SOST: variants seen among roughly 807,000 people sequenced by gnomAD.
SOST encodes sclerosteosis.
A neutral mutation model predicts 16.7 loss-of-function variants in SOST; 14 were observed. The observed-to-expected ratio is 0.84, with a 90% CI of 0.55 to 1.31. The LOEUF (loss-of-function observed/expected upper bound fraction) is 1.31, where lower values mean the gene tolerates loss of function less well. Among genes scored for constraint, SOST ranks in the 50% most tolerant of loss-of-function variants. The pLI is 0.00. For synonymous variants in SOST, 150 were observed against 140.9 expected (o/e 1.06, Z -0.46); for missense variants, 291 against 310.7 (o/e 0.94, Z 0.48).
At position 43,758,543 on chromosome 17, in the gene SOST, G is replaced by A. The variant is rs1974155825; in HGVS notation, c.199C>T (p.His67Tyr). Residue 67 changes from histidine (H) to tyrosine (Y), a missense_variant, in exon 1 of 2, where the codon CAC becomes TAC. His to Tyr is a moderately conservative substitution (Grantham distance 83). Coordinates refer to ENST00000301691, the MANE Select transcript of SOST (RefSeq NM_025237.3). ...ATACCTTTGGTCTCAAAGGGGTGGTGGGGAGGCCGCCCTCCGTTCTCCGCC... is the reference window on the plus strand; with the variant it reads ...ATACCTTTGGTCTCAAAGGGGTGGTAGGGAGGCCGCCCTCCGTTCTCCGCC... ...NRAENGGRPP[H>Y]HPFETKDVSE... 6.2e-7 allele frequency: 1 copy of A among 1,613,770 alleles called. No individual in the cohort carries two copies. Among genetic ancestry groups the A allele is most frequent in the Non-Finnish European group, 8.5e-7 (1 of 1,179,910 alleles).
chr17:43,755,199 GC>G lies in SOST; in HGVS notation c.*142del. ...TTGCCGGCGCCCGGGATTCCTCAGGGCCTGGAAGGTCTCAGCCCCCTGCCCT... is the reference window on the plus strand; with the variant it reads ...TTGCCGGCGCCCGGGATTCCTCAGGGCTGGAAGGTCTCAGCCCCCTGCCCT... On this transcript the variant is annotated 3_prime_UTR_variant, in exon 2 of 2. Coordinates refer to ENST00000301691, the MANE Select transcript of SOST (RefSeq NM_025237.3). The surrounding 1 kb of genome is among the most constrained non-coding windows in gnomAD (Gnocchi z 4.3). The G allele has an allele frequency of 1.2e-6, 1 of 829,744 alleles. No individual in the cohort carries two copies. Among genetic ancestry groups the G allele is most frequent in the South Asian group, 2.2e-5 (1 of 46,168 alleles). The allele number at this position is 829,744 out of a possible 1,614,324, so 51.4% of individuals were successfully genotyped here.
At chr17:43,757,028 C>G (rs1792140756) in intron 1 of SOST, among the ~76,000 whole-genome samples, 1 of 152,228 alleles carries the variant, frequency 6.6e-6, no homozygotes, top group African/African-American at 2.4e-5. Flanking sequence ...AGAGCAAGCA[C>G]AGCAGGGGAG....
rs552066454 is a variant in SOST, at chr17:43,755,363, G to T, written c.621C>A (p.Ala207=). Residue 207 remains alanine, a synonymous_variant, in exon 2 of 2, where the codon GCC becomes GCA. Transcript: ENST00000301691. This position sits in a 1 kb window ranked among gnomAD's most constrained non-coding sequence, Gnocchi z 4.3. ...GGCTCTAGTAGGCGTTCTCCAGCTC[G>T]GCCTGGTTGGCTTTGGCGCTCCGGG... is the stretch of plus-strand genomic sequence containing the variant. ...PRARSAKANQ[A]ELENAY is the part of the protein sequence containing the mutation. The T allele has an allele frequency of 1.3e-5, 21 of 1,586,338 alleles. No individual in the cohort carries two copies. In the African/African-American group the frequency reaches 2.9e-4, roughly 22 times the overall value.
rs995745213 is a variant in SOST, at chr17:43,753,885, C to G, written c.*1457G>C. ...GAGAAAATAAATATGTAACTTAACT[C>G]TTTAAAAACCACTACTTTCATTCTT... is the stretch of plus-strand genomic sequence containing the variant. On this transcript the variant is annotated 3_prime_UTR_variant, in exon 2 of 2. Coordinates refer to ENST00000301691, the MANE Select transcript of SOST (RefSeq NM_025237.3). 1 of 152,220 alleles carries G rather than the reference C, an allele frequency of 6.6e-6. No homozygotes were observed. Among genetic ancestry groups the G allele is most frequent in the Admixed American group, 6.6e-5 (1 of 15,228 alleles). 9.4% of individuals were successfully genotyped at this position (152,220 alleles called of 1,614,324 possible). A position where few individuals can be genotyped will look rare whatever the true frequency, so the allele number is the denominator to read the frequency against.
Position 43,755,862 on chromosome 17 carries a change from T to TCTGGAGACAGGCTTG in SOST, c.221-100_221-99insCAAGCCTGTCTCCAG. 7.2e-7 allele frequency: 1 copy of TCTGGAGACAGGCTTG among 1,388,258 alleles called. No individual in the cohort carries two copies. Among genetic ancestry groups the TCTGGAGACAGGCTTG allele is most frequent in the Non-Finnish European group, 9.7e-7 (1 of 1,028,928 alleles). The allele number at this position is 1,388,258 out of a possible 1,614,324, so 86.0% of individuals were successfully genotyped here. A position where few individuals can be genotyped will look rare whatever the true frequency, so the allele number is the denominator to read the frequency against. ...ACCCCAGCCCTGCTTTTGCCAAGCCTGTCTCCAGAGGCTTTTGCCCCTGAA... is the reference window on the plus strand; with the variant it reads ...ACCCCAGCCCTGCTTTTGCCAAGCCTCTGGAGACAGGCTTGGTCTCCAGAGGCTTTTGCCCCTGAA... On this transcript the variant is annotated intron_variant, in intron 1 of 1. Transcript: ENST00000301691. The surrounding 1 kb of genome is among the most constrained non-coding windows in gnomAD (Gnocchi z 4.3).
intron 1 of SOST, among the ~76,000 whole-genome samples, chr17:43,756,112 A>C (rs746737799): frequency 2.6e-5 from 4 of 152,174 alleles, no homozygotes; most frequent in African/African-American, 4.8e-5. Context: ...AATGCAGAAA[A>C]TACCATTTGG....
At chr17:43,757,131 G>T (rs1284163811) in intron 1 of SOST, among the ~76,000 whole-genome samples, 1 of 152,198 alleles carries the variant, frequency 6.6e-6, no homozygotes, top group Non-Finnish European at 1.5e-5. Context: ...GTGTGGTCAG[G>T]GGGGCATTTG....
At position 43,755,505 on chromosome 17, in the gene SOST, C is replaced by G. The variant is rs199579218; in HGVS notation, c.479G>C (p.Arg160Pro). Residue 160 changes from arginine to proline, a missense_variant, in exon 2 of 2, where the codon CGC becomes CCC. Arg to Pro is a moderately radical substitution (Grantham distance 103, BLOSUM62 -2). Coordinates refer to ENST00000301691, the MANE Select transcript of SOST (RefSeq NM_025237.3). This position sits in a 1 kb window ranked among gnomAD's most constrained non-coding sequence, Gnocchi z 4.3. ...GGEAPRARKV[R>P]LVASCKCKRL... ...CTTGCACTTGCACGAGGCCACCAGG[C>G]GCACCTTGCGCGCGCGCGGCGCCTC... 8.6e-5 allele frequency: 137 copies of G among 1,596,384 alleles called. No homozygotes were observed. The highest frequency in any genetic ancestry group is 1.1e-4 in the Non-Finnish European group (129 of 1,178,126).
chr17:43,758,525 T>C lies in SOST; in HGVS notation c.217A>G (p.Lys73Glu). 1 of 1,611,614 alleles carries C rather than the reference T, an allele frequency of 6.2e-7. No individual in the cohort carries two copies. The highest frequency in any genetic ancestry group is 8.5e-7 in the Non-Finnish European group (1 of 1,177,934). The stretch of plus-strand genomic sequence containing the variant: ...AATTCTCTCCTCCACCCCATACCTT[T>C]GGTCTCAAAGGGGTGGTGGGGAGGC... The part of the protein sequence containing the change: ...GRPPHHPFET[K>E]DVSEYSCREL... Residue 73 changes from lysine (K) to glutamate (E), a missense_variant, in exon 1 of 2, where the codon AAA (lysine) becomes GAA (glutamate). Transcript: ENST00000301691.
At chr17:43,758,105 C>T (rs1359069556) in intron 1 of SOST, among the ~76,000 whole-genome samples, 1 of 152,138 alleles carries the variant, frequency 6.6e-6, no homozygotes, top group Non-Finnish European at 1.5e-5. Context: ...ATAGAGTGTC[C>T]GGTGCCCCAC....
Position 43,754,118 on chromosome 17 carries a change from G to C in SOST, c.*1224C>G, listed in dbSNP as rs954616012. The stretch of plus-strand genomic sequence containing the variant: ...TCTCAGCATATGTACAGCACTTGTA[G>C]TTTTTCCCCCAATAATATTCTTTTA... On this transcript the variant is annotated 3_prime_UTR_variant, in exon 2 of 2. Coordinates refer to ENST00000301691, the MANE Select transcript of SOST (RefSeq NM_025237.3). The C allele has an allele frequency of 5.9e-5, 9 of 152,164 alleles. No individual in the cohort carries two copies. The highest frequency in any genetic ancestry group is 2.2e-4 in the African/African-American group (9 of 41,434). 9.4% of individuals were successfully genotyped at this position (152,164 alleles called of 1,614,324 possible).
intron 1 of SOST, 139 bp downstream of exon 1, chr17:43,758,383 G>A: frequency 1.4e-6 from 1 of 715,708 alleles, no homozygotes; most frequent in African/African-American, 1.8e-5. Context: ...CCACCTCCAG[G>A]CAAGACTGTT....
rs933738824 is a variant in SOST, at chr17:43,755,800, CT to C, written c.221-38del. ...GGCGCGCGTGAGGGTGGCCGCCCGCCTGGCCACCCCTGCCCTGGACCGGCCC... is the reference window on the plus strand; with the variant it reads ...GGCGCGCGTGAGGGTGGCCGCCCGCCGGCCACCCCTGCCCTGGACCGGCCC... On this transcript the variant is annotated intron_variant, in intron 1 of 1. Coordinates refer to ENST00000301691, the MANE Select transcript of SOST (RefSeq NM_025237.3). The surrounding 1 kb of genome is among the most constrained non-coding windows in gnomAD (Gnocchi z 4.3). 1 of 1,546,574 alleles carries C rather than the reference CT, an allele frequency of 6.5e-7. No individual in the cohort carries two copies. The highest frequency in any genetic ancestry group is 8.7e-7 in the Non-Finnish European group (1 of 1,154,346).
intron 1 of SOST, among the ~76,000 whole-genome samples, chr17:43,757,390 C>T (rs1362443869): frequency 1.3e-5 from 2 of 152,136 alleles, no homozygotes; most frequent in East Asian, 1.9e-4. Flanking sequence ...ATTTTGAAGA[C>T]GGAGGGTCCT....
chr17:43,758,199 CAGG>C (rs1401619953), intron 1 of SOST, among the ~76,000 whole-genome samples: 2 of 152,126 alleles, frequency 1.3e-5, no homozygotes, highest in Admixed American at 6.5e-5. Context: ...CCTATATTCC[CAGG>C]AGGAGATTCT....
chr17:43,756,520 C>T (rs1264159451), intron 1 of SOST, among the ~76,000 whole-genome samples: 2 of 152,162 alleles, frequency 1.3e-5, no homozygotes, highest in African/African-American at 4.8e-5. Flanking sequence ...GCTGCATCTC[C>T]GGACTCCACT....
At position 43,755,657 on chromosome 17, in the gene SOST, G is replaced by T. The variant is rs757158654; in HGVS notation, c.327C>A (p.Cys109Ter). The change falls in exon 2 of 2, where the codon TGC becomes TGA. Residue 109 changes from cysteine to a stop codon, truncating the protein, a stop_gained. Coordinates refer to ENST00000301691, the MANE Select transcript of SOST (RefSeq NM_025237.3). LOFTEE classifies it high-confidence loss of function. The surrounding 1 kb of genome is among the most constrained non-coding windows in gnomAD (Gnocchi z 4.3). ...CGTTGGGCAGCAGGCGCGCCGGGCC[G>T]CACTGGCCGGAGCACACCAGCTCGG... is the stretch of plus-strand genomic sequence containing the variant. ...PVTELVCSGQCGPARLLPNAI... is the reference protein window; with the variant it reads ...PVTELVCSGQ The T allele has an allele frequency of 1.9e-6, 3 of 1,567,028 alleles. No homozygotes were observed. Among genetic ancestry groups the T allele is most frequent in the Non-Finnish European group, 2.6e-6 (3 of 1,163,686 alleles).
intron 1 of SOST, among the ~76,000 whole-genome samples, chr17:43,756,480 C>G (rs1423025708): frequency 6.6e-6 from 1 of 152,158 alleles, no homozygotes; most frequent in Non-Finnish European, 1.5e-5. Context: ...TGAGGCCCAG[C>G]CAGAGAAAAG....
intron 1 of SOST, among the ~76,000 whole-genome samples, chr17:43,757,963 G>C (rs1778866244): frequency 6.6e-6 from 1 of 152,152 alleles, no homozygotes; most frequent in South Asian, 2.1e-4. Flanking sequence ...ATCAAACCAG[G>C]TTCACACCTC....
Sources: gnomAD v4.1 joint callset for allele counts (sites outside exome capture counted in the v4.1 genomes callset) on GRCh38, gnomAD v4.1.1 for gene constraint, Gnocchi (gnomAD v3.1) non-coding constraint, MANE v1.5 for transcripts, NCBI Gene and HGNC (gene_info 2026-07-23, HGNC 2026-07-21) for gene names.